Variants in GPR149 observed in about 807,000 individuals in gnomAD.
The protein encoded by GPR149 is probable G protein-coupled receptor 149.
Under a neutral mutation model 50.2 loss-of-function variants are expected in GPR149, and 50 were observed. The ratio of observed to expected loss-of-function variants is 1.00; its 90% confidence interval spans 0.79 to 1.26. The LOEUF is 1.26. GPR149 is among the 50% of genes most tolerant of loss of function. The pLI, the probability that GPR149 is intolerant of heterozygous loss-of-function variation, is 0.00. For missense variants in GPR149, 983 were observed against 895.4 expected (o/e 1.10, Z -1.25); for synonymous variants, 405 against 358.2 (o/e 1.13, Z -1.48).
intron 3 of GPR149, among the ~76,000 whole-genome samples, chr3:154,373,740 T>C (rs1714720609): frequency 6.6e-6 from 1 of 152,184 alleles, no homozygotes; most frequent in African/African-American, 2.4e-5. Flanking sequence ...TTCTCTGTCT[T>C]CTACTCCTCT....
chr3:154,351,164 GA>G (rs765387948), intron 3 of GPR149, among the ~76,000 whole-genome samples: 12 of 151,640 alleles, frequency 7.9e-5, no homozygotes, highest in Middle Eastern at 3.2e-3. Flanking sequence ...GAGGGATAGA[GA>G]CACAGAAAAA....
rs1211387114 is a variant in GPR149, at chr3:154,429,592, T to G, written c.24A>C (p.Leu8Phe). 6.2e-7 allele frequency: 1 copy of G among 1,613,004 alleles called. No homozygotes were observed. Among genetic ancestry groups the G allele is most frequent in the South Asian group, 1.1e-5 (1 of 91,032 alleles). ...TCCACAGGCTAGAGTCATTTGTTGA[T>G]AAGTTACTGAGAAATAAAGACATTG... MSLFLSN[L>F]STNDSSLWKE... The change falls in exon 1 of 4, where the codon TTA (leucine) becomes TTC (phenylalanine). Residue 8 changes from leucine (L) to phenylalanine (F), a missense_variant. Physicochemically the swap from Leu to Phe is conservative, Grantham distance 22. Coordinates refer to ENST00000389740, the MANE Select transcript of GPR149 (RefSeq NM_001038705.3).
At chr3:154,349,370 A>C (rs567964750) in intron 3 of GPR149, among the ~76,000 whole-genome samples, 3 of 152,318 alleles carry the variant, frequency 2.0e-5, no homozygotes, top group Non-Finnish European at 4.4e-5. Flanking sequence ...GCAGTGACAA[A>C]GAGAAGACAC....
rs1712415019 is a variant in GPR149, at chr3:154,429,269, C to T, written c.347G>A (p.Gly116Asp). 1.2e-6 allele frequency: 2 copies of T among 1,614,138 alleles called. No homozygotes were observed. Among genetic ancestry groups the T allele is most frequent in the Non-Finnish European group, 1.7e-6 (2 of 1,180,032 alleles). ...AGTCGCCTTCAAGTTGCTAGAGAGG[C>T]CCTGGCATAAATACATTAAGGCAGA... ...TTSALMYLCQ[G>D]LSSNLKATLL... Residue 116 changes from glycine to aspartate, a missense_variant, in exon 1 of 4, where the codon GGC (glycine) becomes GAC (aspartate). Transcript: ENST00000389740.
At chr3:154,366,049 A>G (rs1253861176) in intron 3 of GPR149, among the ~76,000 whole-genome samples, 1 of 152,150 alleles carries the variant, frequency 6.6e-6, no homozygotes, top group Non-Finnish European at 1.5e-5. Flanking sequence ...TTATAACAAT[A>G]CCTTACTTAT....
In GPR149 at chr3:154,359,697, T is replaced by C. The variant is rs73872828; in HGVS notation, c.1624-21426A>G. 9.7e-3 allele frequency among the ~76,000 whole-genome samples: 1,481 copies of C among 152,314 alleles called. 33 individuals carry two copies. The highest frequency in any genetic ancestry group is 0.033 in the African/African-American group (1,357 of 41,564). ...ACTCTGTCTCTGATCCTCAAACTTC[T>C]CTTCAAGTCCTCTTCTTCTCCAGCT... On this transcript the variant is annotated intron_variant, in intron 3 of 3. Transcript: ENST00000389740.
intron 3 of GPR149, among the ~76,000 whole-genome samples, chr3:154,403,135 G>T (rs539378741): frequency 1.3e-5 from 2 of 152,168 alleles, no homozygotes; most frequent in South Asian, 4.1e-4. Context: ...CACAATCAAT[G>T]GTTTGGATAG....
chr3:154,384,397 T>C (rs1715002810), intron 3 of GPR149, among the ~76,000 whole-genome samples: 1 of 152,200 alleles, frequency 6.6e-6, no homozygotes, highest in Non-Finnish European at 1.5e-5. Context: ...ACAGCTGTTC[T>C]AAACAACATC....
At chr3:154,404,021 T>C (rs6765312) in intron 3 of GPR149, among the ~76,000 whole-genome samples, 145,907 of 152,318 alleles carry the variant, frequency 0.96, 69,988 homozygotes, top group East Asian at 1. Flanking sequence ...GTTAATGTAT[T>C]GGACAGTGCA....
At chr3:154,351,933 A>T (rs1421681489) in intron 3 of GPR149, among the ~76,000 whole-genome samples, 1 of 152,188 alleles carries the variant, frequency 6.6e-6, no homozygotes, top group Non-Finnish European at 1.5e-5. Flanking sequence ...TAATAAAAGG[A>T]GGTTTTTTAA....
At chr3:154,427,791 G>T in intron 1 of GPR149, 83 bp from the exon 2 acceptor site, 2 of 1,294,996 alleles carry the variant, frequency 1.5e-6, no homozygotes, top group Non-Finnish European at 2.1e-6. Flanking sequence ...CGCTGCCTCA[G>T]TTCCCTTTCC....
rs1469754921 is a variant in GPR149 at position 154,335,986 on chromosome 3, C to A, written c.*1713G>T. 1 of 151,990 alleles carries A rather than the reference C, an allele frequency of 6.6e-6. No individual in the cohort carries two copies. Among genetic ancestry groups the A allele is most frequent in the African/African-American group, 2.4e-5 (1 of 41,412 alleles). 9.4% of individuals were successfully genotyped at this position (151,990 alleles called of 1,614,324 possible). A position where few individuals can be genotyped will look rare whatever the true frequency, so the allele number is the denominator to read the frequency against. On this transcript the variant is annotated 3_prime_UTR_variant, in exon 4 of 4. Transcript: ENST00000389740. ...TTTTCTTTTATAAAGACATTTAATG[C>A]TACTGATTTATAATATCTGATTTAT... is the stretch of plus-strand genomic sequence containing the variant.
chr3:154,406,918 C>T (rs1351857522), intron 3 of GPR149, among the ~76,000 whole-genome samples: 2 of 152,196 alleles, frequency 1.3e-5, no homozygotes, highest in African/African-American at 4.8e-5. Flanking sequence ...TATGGATTCA[C>T]AGTTCCACAT....
At chr3:154,404,717 C>A (rs1711635903) in intron 3 of GPR149, among the ~76,000 whole-genome samples, 1 of 152,180 alleles carries the variant, frequency 6.6e-6, no homozygotes, top group Admixed American at 6.5e-5. Context: ...CTTAACTTCT[C>A]TGTGCTTCAG....
At position 154,408,830 on chromosome 3, in the gene GPR149, C is replaced by A. The variant is rs544313129; in HGVS notation, c.1623+12209G>T. ...CCACCTGAGAAACCTGAATACTTAA[C>A]CAGGTGTCCCTAGGGCAAGTTTACA... On this transcript the variant is annotated intron_variant, in intron 3 of 3. Transcript: ENST00000389740. Among the ~76,000 whole-genome samples the A allele has an allele frequency of 2.2e-4, 33 of 152,342 alleles. No homozygotes were observed. The South Asian group carries it at 5.6e-3, about 26-fold the overall frequency.
chr3:154,360,012 T>C (rs528501483), intron 3 of GPR149, among the ~76,000 whole-genome samples: 3 of 26,420 alleles, frequency 1.1e-4, no homozygotes, highest in African/African-American at 4.7e-4. Flanking sequence ...TCCAGTCTCA[T>C]GCAAAACTTC....
At chr3:154,369,672 C>A (rs1714617266) in intron 3 of GPR149, among the ~76,000 whole-genome samples, 1 of 152,224 alleles carries the variant, frequency 6.6e-6, no homozygotes, top group Non-Finnish European at 1.5e-5. Flanking sequence ...ACGTGCATGC[C>A]CCCTTCTCAC....
intron 3 of GPR149, among the ~76,000 whole-genome samples, chr3:154,346,952 T>C (rs1467898790): frequency 1.2e-4 from 18 of 152,182 alleles, no homozygotes; most frequent in Non-Finnish European, 1.0e-4. Context: ...ATTTTTAGGA[T>C]TGATATCCAT....
Position 154,429,029 on chromosome 3 carries a change from A to G in GPR149, c.587T>C (p.Ile196Thr), listed in dbSNP as rs901332921. 2.5e-6 allele frequency: 4 copies of G among 1,613,870 alleles called. No homozygotes were observed. The highest frequency in any genetic ancestry group is 2.7e-5 in the African/African-American group (2 of 74,924). Residue 196 changes from isoleucine to threonine, a missense_variant, in exon 1 of 4, where the codon ATC (isoleucine) becomes ACC (threonine). Physicochemically the swap from Ile to Thr is moderately conservative, Grantham distance 89. Coordinates refer to ENST00000389740, the MANE Select transcript of GPR149 (RefSeq NM_001038705.3). ...CSSSYVLFLS[I>T]VYALAFGLLV... ...GAGTCCGAAGGCCAAAGCGTACACG[A>G]TAGAGAGGAATAGTACGTAGGAGCT... is the stretch of plus-strand genomic sequence containing the variant.
Sources: gnomAD v4.1 joint callset for allele counts (sites outside exome capture counted in the v4.1 genomes callset) on GRCh38, gnomAD v4.1.1 for gene constraint, MANE v1.5 for transcripts, NCBI Gene and HGNC (gene_info 2026-07-23, HGNC 2026-07-21) for gene names.